UTP15: variants seen among roughly 807,000 people sequenced by gnomAD.
UTP15 encodes U3 small nucleolar RNA-associated protein 15 homolog.
UTP15 carries 5 observed loss-of-function variants against 59.1 expected under a neutral mutation model. That is an observed-to-expected ratio of 0.08 (90% CI 0.04 to 0.18). The LOEUF (loss-of-function observed/expected upper bound fraction) is 0.18, where lower values mean the gene tolerates loss of function less well. UTP15 is among the 10% of genes least tolerant of loss of function. The pLI is 1.00. For synonymous variants in UTP15, 211 were observed against 212.2 expected (o/e 0.99, Z 0.05); for missense variants, 494 against 616.7 (o/e 0.80, Z 2.11).
chr5:73,576,615 C>T (rs969726511), intron 7 of UTP15, among the ~76,000 whole-genome samples: 2 of 152,188 alleles, frequency 1.3e-5, no homozygotes, highest in East Asian at 1.9e-4. Context: ...GCTGGGATTA[C>T]AGGCATGTGC....
chr5:73,576,491 T>G (rs965144663), intron 7 of UTP15, among the ~76,000 whole-genome samples: 1 of 151,526 alleles, frequency 6.6e-6, no homozygotes, highest in Non-Finnish European at 1.5e-5. Context: ...TTTTTTTTTT[T>G]TAGACAGAGC....
In UTP15 at chr5:73,573,117, C is replaced by T. The variant is rs1478018483; in HGVS notation, c.809+493C>T. On this transcript the variant is annotated intron_variant, in intron 7 of 12. Coordinates refer to ENST00000296792, the MANE Select transcript of UTP15 (RefSeq NM_032175.4). ...GGCCACCCATAGCTACTTATTTTCTCCTTTGACACAATTTGTTTTAACTTG... is the reference window on the plus strand; with the variant it reads ...GGCCACCCATAGCTACTTATTTTCTTCTTTGACACAATTTGTTTTAACTTG... Among the ~76,000 whole-genome samples, 11 of 151,848 alleles carry T rather than the reference C, an allele frequency of 7.2e-5. No homozygotes were observed. The South Asian group carries it at 1.2e-3, about 17-fold the overall frequency.
chr5:73,581,803 A>C lies in UTP15; in HGVS notation c.*1709A>C, dbSNP rs959535767. 1 of 152,134 alleles carries C rather than the reference A, an allele frequency of 6.6e-6. No individual in the cohort carries two copies. Among genetic ancestry groups the C allele is most frequent in the African/African-American group, 2.4e-5 (1 of 41,436 alleles). 9.4% of individuals were successfully genotyped at this position (152,134 alleles called of 1,614,324 possible). A position where few individuals can be genotyped will look rare whatever the true frequency, so the allele number is the denominator to read the frequency against. On this transcript the variant is annotated 3_prime_UTR_variant, in exon 13 of 13. Coordinates refer to ENST00000296792, the MANE Select transcript of UTP15 (RefSeq NM_032175.4). ...ATATTCTAGTACAGGTATGCTTGGA[A>C]ATAGGGCGTTTCCTTTTCATGAATT...
In UTP15 at chr5:73,582,198, A is replaced by AACAC. The variant is rs1580399120; in HGVS notation, c.*2104_*2105insACAC. ...TTCACTCTCGAAGTCCCTGAGTGTG[A>AACAC]GCTCTTCATCCTAGCACTGTGAAGT... On this transcript the variant is annotated 3_prime_UTR_variant, in exon 13 of 13. Coordinates refer to ENST00000296792, the MANE Select transcript of UTP15 (RefSeq NM_032175.4). 1 of 152,150 alleles carries AACAC rather than the reference A, an allele frequency of 6.6e-6. No individual in the cohort carries two copies. Among genetic ancestry groups the AACAC allele is most frequent in the Non-Finnish European group, 1.5e-5 (1 of 68,046 alleles). 9.4% of individuals were successfully genotyped at this position (152,150 alleles called of 1,614,324 possible). A position where few individuals can be genotyped will look rare whatever the true frequency, so the allele number is the denominator to read the frequency against.
chr5:73,568,372 A>G, intron 3 of UTP15, 45 bp downstream of exon 3: 1 of 1,593,804 alleles, frequency 6.3e-7, no homozygotes, highest in African/African-American at 1.4e-5. Flanking sequence ...TGTATAGTTT[A>G]CTACTGATCT....
chr5:73,572,442 T>TTAATATCA lies in UTP15; in HGVS notation c.674-47_674-46insTAATATCA, dbSNP rs770306649. 5.6e-6 allele frequency: 9 copies of TTAATATCA among 1,604,876 alleles called. No homozygotes were observed. In the South Asian group the frequency reaches 1.0e-4, roughly 18 times the overall value. On this transcript the variant is annotated intron_variant, in intron 6 of 12. Coordinates refer to ENST00000296792, the MANE Select transcript of UTP15 (RefSeq NM_032175.4). ...AATGCTTTTCAGATCTTTAATATGT[T>TTAATATCA]GAATCTGTGGGCAGAATATCCAACT...
At chr5:73,568,201 T>C in intron 2 of UTP15, 34 bp from the exon 3 acceptor site, 1 of 1,513,806 alleles carries the variant, frequency 6.6e-7, no homozygotes, top group Non-Finnish European at 9.0e-7. Context: ...TTACCAGTGG[T>C]AACTCTGTTA....
chr5:73,568,296 C>T lies in UTP15; in HGVS notation c.152C>T (p.Pro51Leu), dbSNP rs765759347. 6.2e-7 allele frequency: 1 copy of T among 1,610,928 alleles called. No homozygotes were observed. The highest frequency in any genetic ancestry group is 1.1e-5 in the South Asian group (1 of 90,380). ...AAAGTAGACTTTTCTCCTCAGCCTC[C>T]ATATAATTATGCTGTCACAGCTTCC... ...VSKVDFSPQP[P>L]YNYAVTASSR... Residue 51 changes from proline to leucine, a missense_variant, in exon 3 of 13, where the codon CCA becomes CTA. Coordinates refer to ENST00000296792, the MANE Select transcript of UTP15 (RefSeq NM_032175.4).
At position 73,580,076 on chromosome 5, in the gene UTP15, T is replaced by A; in HGVS notation, c.1539T>A (p.Asn513Lys). The A allele has an allele frequency of 6.2e-7, 1 of 1,613,410 alleles. No homozygotes were observed. The highest frequency in any genetic ancestry group is 1.3e-5 in the African/African-American group (1 of 74,988). Residue 513 changes from asparagine (N) to lysine (K), a missense_variant, in exon 13 of 13, where the codon AAT becomes AAA. Physicochemically the swap from Asn to Lys is moderately conservative, Grantham distance 94. Transcript: ENST00000296792. ...ACACATCTGATGGATTTCCAGAGAA[T>A]AAGAAGATAGAATCATAGTGTCTGC... Reference protein sequence around the residue: ...LEHTSDGFPENKKIES With the variant: ...LEHTSDGFPEKKKIES
Position 73,581,704 on chromosome 5 carries a change from T to G in UTP15, c.*1610T>G, listed in dbSNP as rs1013354487. The G allele has an allele frequency of 2.0e-5, 3 of 152,114 alleles. No individual in the cohort carries two copies. Among genetic ancestry groups the G allele is most frequent in the Non-Finnish European group, 4.4e-5 (3 of 68,016 alleles). The allele number at this position is 152,114 out of a possible 1,614,324, so 9.4% of individuals were successfully genotyped here. A position where few individuals can be genotyped will look rare whatever the true frequency, so the allele number is the denominator to read the frequency against. On this transcript the variant is annotated 3_prime_UTR_variant, in exon 13 of 13. Transcript: ENST00000296792. ...AAAAATTAAATAAACGTATTAAGTT[T>G]AACATATTAAATTAATTTAACATTT...
intron 7 of UTP15, among the ~76,000 whole-genome samples, chr5:73,573,144 A>G (rs937220090): frequency 2.0e-5 from 3 of 152,126 alleles, no homozygotes; most frequent in African/African-American, 7.2e-5. Context: ...TTTAACTTGT[A>G]TACTTAAACA....
chr5:73,572,337 G>A (rs1177256656), intron 6 of UTP15, 152 bp from the exon 7 acceptor site: 14 of 816,824 alleles, frequency 1.7e-5, no homozygotes, highest in Admixed American at 7.4e-5. Context: ...CCCAGGAAGT[G>A]GTGCATCCAG....
In UTP15 at chr5:73,578,851, A is replaced by C. The variant is rs757712438; in HGVS notation, c.1145A>C (p.Asp382Ala). The C allele has an allele frequency of 3.7e-6, 6 of 1,613,502 alleles. No homozygotes were observed. Among genetic ancestry groups the C allele is most frequent in the Middle Eastern group, 1.6e-4 (1 of 6,062 alleles). ...RISKALDRVL[D>A]PTCTIKTPEI... Reference sequence around the variant, plus strand: ...TCTAAGGCACTCGATAGAGTTCTTGATGTGAGTGAGCATTTTTTAAAAAAT... The same window carrying C: ...TCTAAGGCACTCGATAGAGTTCTTGCTGTGAGTGAGCATTTTTTAAAAAAT... Residue 382 changes from aspartate to alanine, a missense_variant and splice_region_variant, in exon 10 of 13, where the codon GAT becomes GCT. Transcript: ENST00000296792.
rs796642202 is a variant in UTP15, at chr5:73,572,431, C to T, written c.674-58C>T. 8 of 1,594,524 alleles carry T rather than the reference C, an allele frequency of 5.0e-6. No individual in the cohort carries two copies. In the African/African-American group the frequency reaches 9.4e-5, roughly 19 times the overall value. On this transcript the variant is annotated intron_variant, in intron 6 of 12. Coordinates refer to ENST00000296792, the MANE Select transcript of UTP15 (RefSeq NM_032175.4). ...GTCCAGAGAAGAATGCTTTTCAGAT[C>T]TTTAATATGTTGAATCTGTGGGCAG...
chr5:73,579,512 A>G, intron 12 of UTP15, 137 bp downstream of exon 12: 2 of 733,902 alleles, frequency 2.7e-6, no homozygotes, highest in South Asian at 1.9e-5. Context: ...GGAGAAAACA[A>G]CAAGTCAGTG....
In UTP15 at chr5:73,565,890, G is replaced by C. The variant is rs1373098835; in HGVS notation, c.-106G>C. ...TGTCCTTGGGTCGAGGTGTCTCGTC[G>C]GACCCTTTGGGGCTCAGTGGAGGTA... On this transcript the variant is annotated 5_prime_UTR_variant, in exon 1 of 13. Transcript: ENST00000296792. 1 of 456,278 alleles carries C rather than the reference G, an allele frequency of 2.2e-6. No individual in the cohort carries two copies. 28.3% of individuals were successfully genotyped at this position (456,278 alleles called of 1,614,324 possible).
intron 2 of UTP15, 38 bp from the exon 3 acceptor site, chr5:73,568,197 G>A (rs747080168): frequency 1.3e-6 from 2 of 1,492,878 alleles, no homozygotes; most frequent in Non-Finnish European, 1.8e-6. Context: ...GGTCTTACCA[G>A]TGGTAACTCT....
At position 73,580,319 on chromosome 5, in the gene UTP15, A is replaced by G. The variant is rs1451182228; in HGVS notation, c.*225A>G. The G allele has an allele frequency of 4.8e-6, 2 of 413,396 alleles. No individual in the cohort carries two copies. Among genetic ancestry groups the G allele is most frequent in the Non-Finnish European group, 8.7e-6 (2 of 228,770 alleles). The allele number at this position is 413,396 out of a possible 1,614,324, so 25.6% of individuals were successfully genotyped here. On this transcript the variant is annotated 3_prime_UTR_variant, in exon 13 of 13. Coordinates refer to ENST00000296792, the MANE Select transcript of UTP15 (RefSeq NM_032175.4). Reference sequence around the variant, plus strand: ...TAGCATCTTCACCTAGAAGATCTCAATTGTCTTAGTCACAGAGTAGGTTTA... The same window carrying G: ...TAGCATCTTCACCTAGAAGATCTCAGTTGTCTTAGTCACAGAGTAGGTTTA...
At chr5:73,566,793 T>G (rs771829511) in intron 1 of UTP15, among the ~76,000 whole-genome samples, 10 of 152,264 alleles carry the variant, frequency 6.6e-5, no homozygotes, top group Non-Finnish European at 1.3e-4. Context: ...AGCTTCTACA[T>G]TAGAATATTA....
Sources: allele counts gnomAD v4.1 joint callset (sites outside exome capture counted in the v4.1 genomes callset), GRCh38; gene constraint gnomAD v4.1.1; transcripts MANE v1.5; gene names NCBI Gene and HGNC (gene_info 2026-07-23, HGNC 2026-07-21).